Variants in DYNC2H1 observed in about 807,000 individuals in gnomAD.
The protein encoded by DYNC2H1 is dynein cytoplasmic 2 heavy chain 1.
Under a neutral mutation model 570.0 loss-of-function variants are expected in DYNC2H1, and 410 were observed. The observed-to-expected ratio is 0.72, with a 90% CI of 0.66 to 0.78. DYNC2H1 has a LOEUF of 0.78. DYNC2H1 is among the 30% of genes least tolerant of loss of function. The pLI is 0.00. For missense variants in DYNC2H1, 4,865 were observed against 5,046.4 expected (o/e 0.96, Z 1.09); for synonymous variants, 1,688 against 1,677.6 (o/e 1.01, Z -0.15).
rs1247924499 is a variant in DYNC2H1, at chr11:103,472,923, C to G, written c.12765+4218C>G. Among the ~76,000 whole-genome samples the G allele has an allele frequency of 1.3e-5, 2 of 152,186 alleles. No individual in the cohort carries two copies. Among genetic ancestry groups the G allele is most frequent in the Non-Finnish European group, 1.5e-5 (1 of 68,038 alleles). ...CTTCGTTTCAACAGAAACTTGCCCA[C>G]TAACCCAGTCATTTGCACAACATTG... is the stretch of plus-strand genomic sequence containing the variant. On this transcript the variant is annotated intron_variant, in intron 88 of 88. Coordinates refer to ENST00000375735, the MANE Select transcript of DYNC2H1 (RefSeq NM_001377.3). This position sits in a 1 kb window ranked among gnomAD's most constrained non-coding sequence, Gnocchi z 4.1.
chr11:103,219,582 AGCCTG>A (rs1172893717), intron 55 of DYNC2H1, among the ~76,000 whole-genome samples: 3 of 152,252 alleles, frequency 2.0e-5, no homozygotes, highest in Non-Finnish European at 4.4e-5. Context: ...CTTACACTCC[AGCCTG>A]GGCGACAAGA....
Position 103,280,430 on chromosome 11 carries a change from G to A in DYNC2H1, c.10761+17G>A. 6.5e-7 allele frequency: 1 copy of A among 1,550,050 alleles called. No homozygotes were observed. Among genetic ancestry groups the A allele is most frequent in the South Asian group, 1.2e-5 (1 of 83,918 alleles). ...CAAGAAAATGTAAGTCAAATTAAAGGAGAGAAATTTTACAGTAACATAGAA... is the reference window on the plus strand; with the variant it reads ...CAAGAAAATGTAAGTCAAATTAAAGAAGAGAAATTTTACAGTAACATAGAA... On this transcript the variant is annotated intron_variant, in intron 71 of 88. Coordinates refer to ENST00000375735, the MANE Select transcript of DYNC2H1 (RefSeq NM_001377.3). This position sits in a 1 kb window ranked among gnomAD's most constrained non-coding sequence, Gnocchi z 4.7.
chr11:103,152,922 G>T (rs1860636314), intron 21 of DYNC2H1, among the ~76,000 whole-genome samples: 1 of 152,150 alleles, frequency 6.6e-6, no homozygotes, highest in Non-Finnish European at 1.5e-5. Context: ...GTCCTTAGCT[G>T]CATGGGAGAC....
In DYNC2H1 at chr11:103,338,042, A is replaced by AT. The variant is rs533728320; in HGVS notation, c.12039+14057dup. On this transcript the variant is annotated intron_variant, in intron 82 of 88. Transcript: ENST00000375735. ...ATATTTAAGTCTTTAATCCATTTTG[A>AT]TTTTTGTATATGTTGAGAGACAGCT... 1.7e-3 allele frequency among the ~76,000 whole-genome samples: 254 copies of AT among 152,150 alleles called. 1 individual carries two copies. Among genetic ancestry groups the AT allele is most frequent in the Middle Eastern group, 3.4e-3 (1 of 294 alleles).
At chr11:103,308,616 A>G (rs1867415310) in intron 78 of DYNC2H1, among the ~76,000 whole-genome samples, 1 of 152,322 alleles carries the variant, frequency 6.6e-6, no homozygotes, top group Admixed American at 6.5e-5. Context: ...CATTCCCACT[A>G]GCACTGAACA....
intron 88 of DYNC2H1, among the ~76,000 whole-genome samples, chr11:103,470,086 G>A (rs1945324782): frequency 6.6e-6 from 1 of 152,064 alleles, no homozygotes; most frequent in African/African-American, 2.4e-5. Flanking sequence ...AGAGCTTGAA[G>A]AGCAACTAAG....
At chr11:103,118,896 A>G (rs778268712) in intron 6 of DYNC2H1, among the ~76,000 whole-genome samples, 6 of 152,174 alleles carry the variant, frequency 3.9e-5, no homozygotes, top group Non-Finnish European at 5.9e-5. Flanking sequence ...GATCAGTCTG[A>G]TGAATTTATT....
chr11:103,396,978 G>T (rs1022731110), intron 83 of DYNC2H1, among the ~76,000 whole-genome samples: 1 of 152,248 alleles, frequency 6.6e-6, no homozygotes, highest in East Asian at 1.9e-4. Context: ...TGTAAAAGGT[G>T]GGAGGTGGGT....
At chr11:103,371,199 G>GAATTC (rs1039220918) in intron 83 of DYNC2H1, among the ~76,000 whole-genome samples, 2 of 151,962 alleles carry the variant, frequency 1.3e-5, no homozygotes, top group African/African-American at 4.8e-5. Context: ...TTTGATAACA[G>GAATTC]AATTCATCAA....
chr11:103,434,480 A>G (rs1358692245), intron 84 of DYNC2H1, among the ~76,000 whole-genome samples: 1 of 149,126 alleles, frequency 6.7e-6, no homozygotes, highest in Non-Finnish European at 1.5e-5. Context: ...GTATTCTTCT[A>G]GAAGTCCTTT....
At chr11:103,307,366 G>A (rs1867341353) in intron 77 of DYNC2H1, among the ~76,000 whole-genome samples, 1 of 152,066 alleles carries the variant, frequency 6.6e-6, no homozygotes, top group Non-Finnish European at 1.5e-5. Flanking sequence ...CACTTACTTT[G>A]AACTTACTAT....
At chr11:103,335,145 A>G (rs1304999056) in intron 82 of DYNC2H1, among the ~76,000 whole-genome samples, 1 of 152,054 alleles carries the variant, frequency 6.6e-6, no homozygotes, top group Non-Finnish European at 1.5e-5. Flanking sequence ...AGCATCCAAT[A>G]ATGCATTTTA....
In DYNC2H1 at chr11:103,176,335, C is replaced by T. The variant is rs1861809344; in HGVS notation, c.5775C>T (p.Val1925=). 1 of 1,579,808 alleles carries T rather than the reference C, an allele frequency of 6.3e-7. No individual in the cohort carries two copies. The highest frequency in any genetic ancestry group is 1.2e-5 in the South Asian group (1 of 85,068). ...GGTTTGATGCACTGATAAAAGATGT[C>T]TTTCCGGGAATTGAATTGAAAGAAG... is the stretch of plus-strand genomic sequence containing the variant. The part of the protein sequence containing the change: ...CTRFDALIKD[V]FPGIELKEVE... Residue 1925 remains valine, a synonymous_variant, in exon 37 of 89, where the codon GTC becomes GTT. Transcript: ENST00000375735.
intron 80 of DYNC2H1, among the ~76,000 whole-genome samples, chr11:103,320,324 C>T (rs1313793234): frequency 6.6e-6 from 1 of 152,128 alleles, no homozygotes; most frequent in African/African-American, 2.4e-5. Flanking sequence ...ATCGCTTGAA[C>T]CTGGGAGGTG....
chr11:103,442,988 T>TAA (rs1653897653), intron 85 of DYNC2H1, among the ~76,000 whole-genome samples: 1 of 150,656 alleles, frequency 6.6e-6, no homozygotes, highest in Admixed American at 6.6e-5. Context: ...TTTTTGCCAT[T>TAA]TAAAGGCTTC....
intron 70 of DYNC2H1, among the ~76,000 whole-genome samples, chr11:103,263,156 A>C (rs553135090): frequency 6.6e-6 from 1 of 152,288 alleles, no homozygotes; most frequent in African/African-American, 2.4e-5. Context: ...AGAAGAGCTA[A>C]CTATGCTAAA....
chr11:103,192,409 C>G (rs1862355280), intron 47 of DYNC2H1, 145 bp downstream of exon 47: 1 of 560,198 alleles, frequency 1.8e-6, no homozygotes, highest in Non-Finnish European at 2.7e-6. Context: ...ACAGCTCAGT[C>G]TTTTTTGCTG....
In DYNC2H1 at chr11:103,176,298, C is replaced by T. The variant is rs745681732; in HGVS notation, c.5738C>T (p.Thr1913Ile). Residue 1913 changes from threonine to isoleucine, a missense_variant, in exon 37 of 89, where the codon ACT becomes ATT. Coordinates refer to ENST00000375735, the MANE Select transcript of DYNC2H1 (RefSeq NM_001377.3). ...RLNTMSKFTF[T>I]DCTRFDALIK... is the part of the protein sequence containing the mutation. ...AATACCATGTCAAAGTTTACGTTTA[C>T]TGATTGCACCCGGTTTGATGCACTG... is the stretch of plus-strand genomic sequence containing the variant. 1.3e-6 allele frequency: 2 copies of T among 1,550,234 alleles called. No homozygotes were observed. Among genetic ancestry groups the T allele is most frequent in the East Asian group, 2.4e-5 (1 of 41,130 alleles).
chr11:103,162,323 G>A lies in DYNC2H1; in HGVS notation c.4492-705G>A, dbSNP rs574229953. On this transcript the variant is annotated intron_variant, in intron 29 of 88. Transcript: ENST00000375735. ...CTGGAACACAGAGTTATTTAAGTAC[G>A]CAATGATGAGAGGCTAAGATTGCAG... 7.2e-5 allele frequency among the ~76,000 whole-genome samples: 11 copies of A among 152,118 alleles called. No homozygotes were observed. The East Asian group carries it at 2.1e-3, about 29-fold the overall frequency.
Sources: allele counts gnomAD v4.1 joint callset (sites outside exome capture counted in the v4.1 genomes callset), GRCh38; gene constraint gnomAD v4.1.1; non-coding constraint Gnocchi (gnomAD v3.1); transcripts MANE v1.5; gene names NCBI Gene and HGNC (gene_info 2026-07-23, HGNC 2026-07-21).